RASA3: variants seen among roughly 807,000 people sequenced by gnomAD.
RASA3 encodes ras GTPase-activating protein 3.
In RASA3, 73 loss-of-function variants were observed where a neutral mutation model predicts 110.0. That is an observed-to-expected ratio of 0.66 (90% CI 0.55 to 0.81). RASA3 has a LOEUF of 0.81. Ranked by LOEUF, RASA3 falls within the 30% of genes least tolerant of loss-of-function variation. The pLI is 0.00. For synonymous variants in RASA3, 500 were observed against 451.4 expected, an observed-to-expected ratio of 1.11 and a Z score of -1.37; for missense variants, 976 against 1,113.2, an observed-to-expected ratio of 0.88 and a Z score of 1.75.
chr13:114,130,746 C>T (rs970351263), intron 1 of RASA3, among the ~76,000 whole-genome samples: 1 of 152,214 alleles, frequency 6.6e-6, no homozygotes, highest in Admixed American at 6.5e-5. Context: ...GTGGGCCCCC[C>T]ACCCCCGAGC....
intron 2 of RASA3, among the ~76,000 whole-genome samples, chr13:114,058,690 C>T (rs917948311): frequency 1.3e-5 from 2 of 152,256 alleles, no homozygotes; most frequent in Admixed American, 1.3e-4. Context: ...GAGGACTGGT[C>T]ATGGGCACCC....
At position 114,057,311 on chromosome 13, in the gene RASA3, G is replaced by A. The variant is rs111652952; in HGVS notation, c.174-5156C>T. 15 of 985,382 alleles carry A rather than the reference G, an allele frequency of 1.5e-5. 1 individual carries two copies. In the African/African-American group the frequency reaches 1.9e-4, roughly 13 times the overall value. The allele number at this position is 985,382 out of a possible 1,614,324, so 61.0% of individuals were successfully genotyped here. ...CAGGCGGCCGGCCAGCCTTATCAACGGAGCTCTGAGCCACCAACCACTGTG... is the reference window on the plus strand; with the variant it reads ...CAGGCGGCCGGCCAGCCTTATCAACAGAGCTCTGAGCCACCAACCACTGTG... On this transcript the variant is annotated intron_variant, in intron 2 of 23. Transcript: ENST00000334062. The surrounding 1 kb of genome is among the most constrained non-coding windows in gnomAD (Gnocchi z 5.0).
chr13:114,090,209 A>C (rs1594443970), intron 1 of RASA3, among the ~76,000 whole-genome samples: 1 of 152,188 alleles, frequency 6.6e-6, no homozygotes, highest in Non-Finnish European at 1.5e-5. Context: ...CCTAGGAGCC[A>C]CCCGGCTGCC....
rs1254830875 is a variant in RASA3 at position 114,059,223 on chromosome 13, G to A, written c.174-7068C>T. Among the ~76,000 whole-genome samples the A allele has an allele frequency of 5.3e-5, 8 of 151,828 alleles. No individual in the cohort carries two copies. In the South Asian group the frequency reaches 8.4e-4, roughly 16 times the overall value. ...TCCTGCATCTTCAGAGCACAGTCCC[G>A]CCTGGAGGAGCCGCCGTCAGGCCCT... On this transcript the variant is annotated intron_variant, in intron 2 of 23. Coordinates refer to ENST00000334062, the MANE Select transcript of RASA3 (RefSeq NM_007368.4).
intron 18 of RASA3, among the ~76,000 whole-genome samples, chr13:114,005,139 C>T (rs542273666): frequency 1.2e-3 from 181 of 152,192 alleles, no homozygotes; most frequent in African/African-American, 4.1e-3. Flanking sequence ...GAGGTGGGAG[C>T]GGGAGAGGAA....
At chr13:114,028,671 A>C (rs1010283050) in intron 5 of RASA3, among the ~76,000 whole-genome samples, 3 of 130,990 alleles carry the variant, frequency 2.3e-5, no homozygotes, top group African/African-American at 5.8e-5. Context: ...GACCTCTAAA[A>C]CAGTGTCATC....
chr13:114,116,979 GTGTGTGAGGGATGCACA>G (rs1566585109), intron 1 of RASA3, among the ~76,000 whole-genome samples: 11 of 134,286 alleles, frequency 8.2e-5, no homozygotes, highest in African/African-American at 2.6e-4. Flanking sequence ...AGGGGAGCAC[GTGTGTGAGGGATGCACA>G]TGTGTGAGGG....
At chr13:114,106,558 C>A (rs1007073582) in intron 1 of RASA3, among the ~76,000 whole-genome samples, 1 of 152,192 alleles carries the variant, frequency 6.6e-6, no homozygotes, top group Non-Finnish European at 1.5e-5. Flanking sequence ...TAATTCGGAG[C>A]TTTGTAAATA....
chr13:114,012,421 ATTCCACACGTC>A (rs1476738324), intron 15 of RASA3, among the ~76,000 whole-genome samples: 2 of 139,566 alleles, frequency 1.4e-5, no homozygotes, highest in Non-Finnish European at 3.1e-5. Flanking sequence ...CACACTCCCC[ATTCCACACGTC>A]TTCCACACTC....
intron 1 of RASA3, among the ~76,000 whole-genome samples, chr13:114,100,373 C>G (rs1196516045): frequency 6.6e-6 from 1 of 152,182 alleles, no homozygotes; most frequent in South Asian, 2.1e-4. Flanking sequence ...ATTTTAGACT[C>G]TTGTGCGCAA....
At position 114,005,237 on chromosome 13, in the gene RASA3, C is replaced by G. The variant is rs1190726829; in HGVS notation, c.1742+2296G>C. ...CCAATACAACTGCACTTGTGCCCGA[C>G]ATGTTGGCAAACACATAAAAAATAC... On this transcript the variant is annotated intron_variant, in intron 18 of 23. Coordinates refer to ENST00000334062, the MANE Select transcript of RASA3 (RefSeq NM_007368.4). Among the ~76,000 whole-genome samples, 3 of 152,306 alleles carry G rather than the reference C, an allele frequency of 2.0e-5. No homozygotes were observed. In the East Asian group the frequency reaches 5.8e-4, roughly 29 times the overall value.
rs570359452 is a variant in RASA3, at chr13:114,061,367, G to A, written c.174-9212C>T. 2.6e-5 allele frequency among the ~76,000 whole-genome samples: 4 copies of A among 152,222 alleles called. No individual in the cohort carries two copies. The South Asian group carries it at 8.3e-4, about 32-fold the overall frequency. On this transcript the variant is annotated intron_variant, in intron 2 of 23. Transcript: ENST00000334062. ...GAAAAGGTTTCTAAAAACCCCAGGC[G>A]CCCAGGCCCACCTCAGAGAACGGCT...
At chr13:114,075,406 C>T (rs1566554807) in intron 1 of RASA3, among the ~76,000 whole-genome samples, 1 of 152,242 alleles carries the variant, frequency 6.6e-6, no homozygotes, top group Non-Finnish European at 1.5e-5. Context: ...TAACCTGAGG[C>T]ACTGTGAGAA....
rs537652084 is a variant in RASA3, at chr13:114,057,127, G to A, written c.174-4972C>T. 1 of 871,400 alleles carries A rather than the reference G, an allele frequency of 1.1e-6. No individual in the cohort carries two copies. Among genetic ancestry groups the A allele is most frequent in the South Asian group, 5.3e-5 (1 of 18,938 alleles). 54.0% of individuals were successfully genotyped at this position (871,400 alleles called of 1,614,324 possible). On this transcript the variant is annotated intron_variant, in intron 2 of 23. Coordinates refer to ENST00000334062, the MANE Select transcript of RASA3 (RefSeq NM_007368.4). This position sits in a 1 kb window ranked among gnomAD's most constrained non-coding sequence, Gnocchi z 5.0. ...AGCACAGGCGATGGGTGAGTGTTTT[G>A]CATGTCTGATGTCGTTTATTCTAGT...
intron 1 of RASA3, among the ~76,000 whole-genome samples, chr13:114,079,206 C>T (rs1387111399): frequency 2.0e-5 from 3 of 152,222 alleles, no homozygotes; most frequent in African/African-American, 4.8e-5. Flanking sequence ...TGGTACTGGC[C>T]GCGTCCACCC....
intron 1 of RASA3, among the ~76,000 whole-genome samples, chr13:114,129,503 G>T (rs2080491627): frequency 6.6e-6 from 1 of 152,190 alleles, no homozygotes; most frequent in Non-Finnish European, 1.5e-5. Context: ...ACGTCTGAAT[G>T]AGGCCACACA....
intron 1 of RASA3, among the ~76,000 whole-genome samples, chr13:114,104,550 C>T (rs978828060): frequency 6.6e-6 from 1 of 152,148 alleles, no homozygotes; most frequent in Non-Finnish European, 1.5e-5. Flanking sequence ...ACACCCAGCG[C>T]AATTACAGGG....
At chr13:113,996,831 G>A in intron 20 of RASA3, 92 bp from the exon 21 acceptor site, 1 of 1,162,744 alleles carries the variant, frequency 8.6e-7, no homozygotes, top group South Asian at 1.4e-5. Flanking sequence ...GTCCTCGCCG[G>A]AGTCGTAAGA....
chr13:114,048,198 C>T lies in RASA3; in HGVS notation c.277+3854G>A, dbSNP rs568019329. On this transcript the variant is annotated intron_variant, in intron 3 of 23. Transcript: ENST00000334062. The surrounding 1 kb of genome is among the most constrained non-coding windows in gnomAD (Gnocchi z 4.3). ...GGCGTGGTGGCGGGCGCCTGTAGTCCCAGCTACTCGGGAAGCTGAGGCAGG... is the reference window on the plus strand; with the variant it reads ...GGCGTGGTGGCGGGCGCCTGTAGTCTCAGCTACTCGGGAAGCTGAGGCAGG... Among the ~76,000 whole-genome samples the T allele has an allele frequency of 3.5e-4, 53 of 152,110 alleles. No individual in the cohort carries two copies. Among genetic ancestry groups the T allele is most frequent in the African/African-American group, 1.3e-3 (53 of 41,492 alleles).
Sources: allele counts gnomAD v4.1 joint callset (sites outside exome capture counted in the v4.1 genomes callset), GRCh38; gene constraint gnomAD v4.1.1; non-coding constraint Gnocchi (gnomAD v3.1); transcripts MANE v1.5; gene names NCBI Gene and HGNC (gene_info 2026-07-23, HGNC 2026-07-21).